EYS: variants seen among roughly 807,000 people sequenced by gnomAD.
EYS encodes the protein protein eyes shut homolog.
A neutral mutation model predicts 282.1 loss-of-function variants in EYS; 250 were observed. The observed-to-expected ratio is 0.89, with a 90% CI of 0.80 to 0.98. EYS has a LOEUF of 0.98. Among genes scored for constraint, EYS ranks in the 50% least tolerant of loss-of-function variants. EYS has a pLI of 0.00. For synonymous variants in EYS, 1,355 were observed against 1,282.9 expected (o/e 1.06, Z -1.20); for missense variants, 4,016 against 3,709.0 (o/e 1.08, Z -2.15).
intron 19 of EYS, among the ~76,000 whole-genome samples, chr6:64,845,293 A>G (rs937032278): frequency 1.3e-5 from 2 of 152,190 alleles, no homozygotes; most frequent in Non-Finnish European, 2.9e-5. Flanking sequence ...CTTATCTAAA[A>G]AAAAAATTAA....
At chr6:64,070,579 A>T (rs1025619407) in intron 32 of EYS, among the ~76,000 whole-genome samples, 1 of 152,064 alleles carries the variant, frequency 6.6e-6, no homozygotes, top group Admixed American at 6.6e-5. Context: ...ACCATACATT[A>T]TCTGCTAGTC....
chr6:64,628,246 G>GT (rs11309731), intron 22 of EYS, among the ~76,000 whole-genome samples: 1,602 of 142,154 alleles, frequency 0.011, 10 homozygotes, highest in African/African-American at 0.017. Flanking sequence ...CCATAGCAGT[G>GT]TTTTTTTTTT....
intron 14 of EYS, among the ~76,000 whole-genome samples, chr6:64,979,645 A>G (rs573656128): frequency 3.1e-4 from 47 of 151,722 alleles, no homozygotes; most frequent in African/African-American, 1.1e-3. Flanking sequence ...CTGTAATGGA[A>G]TAAGAAATGA....
intron 35 of EYS, among the ~76,000 whole-genome samples, chr6:63,891,119 C>A (rs1209533458): frequency 1.3e-5 from 2 of 152,024 alleles, no homozygotes; most frequent in African/African-American, 2.4e-5. Flanking sequence ...AAAAAAGTAC[C>A]CAGGACCAGA....
At chr6:65,185,063 A>T (rs989643619) in intron 12 of EYS, among the ~76,000 whole-genome samples, 5 of 151,602 alleles carry the variant, frequency 3.3e-5, no homozygotes, top group Admixed American at 6.6e-5. Flanking sequence ...TGTGTGATTG[A>T]TCTGAATTGC....
chr6:64,233,848 G>A (rs1479636204), intron 30 of EYS, among the ~76,000 whole-genome samples: 1 of 152,132 alleles, frequency 6.6e-6, no homozygotes, highest in African/African-American at 2.4e-5. Context: ...GTTGGAACAG[G>A]AAAGGAACAC....
chr6:64,096,654 A>G (rs988891663), intron 31 of EYS, among the ~76,000 whole-genome samples: 1 of 152,110 alleles, frequency 6.6e-6, no homozygotes, highest in Admixed American at 6.5e-5. Context: ...CCATTCGTCT[A>G]ATTTTTTTCC....
chr6:64,522,617 C>T (rs1274688882), intron 26 of EYS, among the ~76,000 whole-genome samples: 10 of 151,694 alleles, frequency 6.6e-5, no homozygotes, highest in Non-Finnish European at 1.5e-4. Context: ...ATTGGGGAAT[C>T]CGGGGGCAAG....
At chr6:63,905,688 C>T (rs1773762721) in intron 35 of EYS, among the ~76,000 whole-genome samples, 1 of 152,160 alleles carries the variant, frequency 6.6e-6, no homozygotes, top group African/African-American at 2.4e-5. Context: ...ATCAGCGGCA[C>T]ATTTTATGGT....
intron 26 of EYS, among the ~76,000 whole-genome samples, chr6:64,501,595 G>A (rs1469903315): frequency 6.6e-6 from 1 of 152,036 alleles, no homozygotes; most frequent in African/African-American, 2.4e-5. Context: ...TGGGAAAGAA[G>A]GCATAGCCCA....
chr6:65,628,165 A>C (rs904953764), intron 2 of EYS, among the ~76,000 whole-genome samples: 1 of 152,094 alleles, frequency 6.6e-6, no homozygotes, highest in East Asian at 1.9e-4. Flanking sequence ...TGTCTAGCTC[A>C]GGGATTGTAA....
At chr6:64,792,275 G>T (rs2150001186) in intron 22 of EYS, among the ~76,000 whole-genome samples, 1 of 152,056 alleles carries the variant, frequency 6.6e-6, no homozygotes, top group East Asian at 1.9e-4. Flanking sequence ...ATGATGGTAA[G>T]AAGAATGTGT....
intron 26 of EYS, among the ~76,000 whole-genome samples, chr6:64,551,281 A>C (rs1473983810): frequency 6.6e-6 from 1 of 151,234 alleles, no homozygotes; most frequent in Non-Finnish European, 1.5e-5. Context: ...GGTGAATAAA[A>C]AATAAAGGTT....
At chr6:64,279,793 TCTC>T (rs1292841019) in intron 30 of EYS, among the ~76,000 whole-genome samples, 1 of 152,180 alleles carries the variant, frequency 6.6e-6, no homozygotes, top group Non-Finnish European at 1.5e-5. Flanking sequence ...TTTTCTTTCT[TCTC>T]TTCATTCTTG....
At chr6:65,198,263 T>A (rs1432191523) in intron 12 of EYS, among the ~76,000 whole-genome samples, 2 of 152,098 alleles carry the variant, frequency 1.3e-5, no homozygotes, top group Non-Finnish European at 2.9e-5. Context: ...GGAGTTATCA[T>A]CTCCTTGATA....
At chr6:64,979,232 ATC>A (rs1770573937) in intron 14 of EYS, among the ~76,000 whole-genome samples, 1 of 151,804 alleles carries the variant, frequency 6.6e-6, no homozygotes, top group African/African-American at 2.4e-5. Flanking sequence ...AAGCCACAAT[ATC>A]TCTGAGTTAT....
chr6:64,590,576 A>G lies in EYS; in HGVS notation c.5291T>C (p.Ile1764Thr), dbSNP rs139887328. 1 of 1,551,346 alleles carries G rather than the reference A, an allele frequency of 6.4e-7. No individual in the cohort carries two copies. The highest frequency in any genetic ancestry group is 8.7e-7 in the Non-Finnish European group (1 of 1,146,778). Residue 1764 changes from isoleucine (I) to threonine (T), a missense_variant, in exon 26 of 43, where the codon ATT becomes ACT. By Grantham distance (89) the Ile-to-Thr change is moderately conservative. Coordinates refer to ENST00000503581, the MANE Select transcript of EYS (RefSeq NM_001142800.2). ...PDVTLKTYSE[I>T]THANDFKNNL... Reference sequence around the variant, plus strand: ...ATTTTTGAAGTCATTTGCATGTGTAATTTCTGAATATGTCTTTAAAGTAAC... The same window carrying G: ...ATTTTTGAAGTCATTTGCATGTGTAGTTTCTGAATATGTCTTTAAAGTAAC...
intron 36 of EYS, among the ~76,000 whole-genome samples, chr6:63,825,233 A>G (rs1771427991): frequency 6.6e-6 from 1 of 152,158 alleles, no homozygotes. Flanking sequence ...CATCCTCCAC[A>G]GCAGCCACAG....
chr6:64,992,047 C>T (rs1771083286), intron 14 of EYS, among the ~76,000 whole-genome samples: 1 of 151,726 alleles, frequency 6.6e-6, no homozygotes, highest in Admixed American at 6.6e-5. Flanking sequence ...TGCCTGGACC[C>T]ATCATCTGAA....
Sources: gnomAD v4.1 joint callset for allele counts (sites outside exome capture counted in the v4.1 genomes callset) on GRCh38, gnomAD v4.1.1 for gene constraint, MANE v1.5 for transcripts, NCBI Gene and HGNC (gene_info 2026-07-23, HGNC 2026-07-21) for gene names.